Variants in RARB observed in about 807,000 individuals in gnomAD.
RARB encodes the protein HBV-activated protein.
RARB carries 17 observed loss-of-function variants against 51.9 expected under a neutral mutation model. The ratio of observed to expected loss-of-function variants is 0.33; its 90% confidence interval spans 0.22 to 0.49. RARB has a LOEUF of 0.49. RARB is among the 20% of genes least tolerant of loss of function. The probability of loss-of-function intolerance (pLI) is 0.99; values close to 1 mark genes in which losing one functional copy is unlikely to be tolerated. For missense variants in RARB, 369 were observed against 550.8 expected (o/e 0.67, Z 3.30); for synonymous variants, 215 against 195.4 (o/e 1.10, Z -0.84).
chr3:25,345,069 A>G (rs1575328437), intron 5 of RARB, among the ~76,000 whole-genome samples: 2 of 152,154 alleles, frequency 1.3e-5, no homozygotes, highest in East Asian at 3.9e-4. Flanking sequence ...TGAAGTTTGG[A>G]TTGTTTGACT....
chr3:25,282,171 G>C (rs7632587), intron 5 of RARB, among the ~76,000 whole-genome samples: 29,845 of 152,180 alleles, frequency 0.2, 3,715 homozygotes, highest in Non-Finnish European at 0.27. Context: ...ATATGGCCCT[G>C]TATTACCCTA....
chr3:25,117,124 G>A (rs1699701395), intron 3 of RARB, among the ~76,000 whole-genome samples: 1 of 152,110 alleles, frequency 6.6e-6, no homozygotes, highest in African/African-American at 2.4e-5. Context: ...TAGGCACTGT[G>A]CTTAGCACAG....
At chr3:25,118,874 T>G (rs1456014861) in intron 3 of RARB, among the ~76,000 whole-genome samples, 4 of 152,086 alleles carry the variant, frequency 2.6e-5, no homozygotes, top group African/African-American at 4.8e-5. Context: ...ATAACTTTAA[T>G]TTTTATCTCA....
At chr3:24,850,754 T>C (rs1309990824) in intron 1 of RARB, among the ~76,000 whole-genome samples, 2 of 152,202 alleles carry the variant, frequency 1.3e-5, no homozygotes, top group Non-Finnish European at 2.9e-5. Context: ...AGGAATCACC[T>C]GAGAGACTGT....
At chr3:24,950,616 C>A (rs891329623) in intron 2 of RARB, among the ~76,000 whole-genome samples, 2 of 151,772 alleles carry the variant, frequency 1.3e-5, no homozygotes, top group East Asian at 3.9e-4. Context: ...AGATGGGAAC[C>A]ATTGTTGTCA....
In RARB at chr3:24,900,479, G is replaced by A. The variant is rs115950532; in HGVS notation, c.-380+41727G>A. On this transcript the variant is annotated intron_variant, in intron 2 of 11. Transcript: ENST00000383772. ...TCTTCCTTGGAAGTATGCACATGAAGTATTGCTGGAGCAAAGAATAATTGT... is the reference window on the plus strand; with the variant it reads ...TCTTCCTTGGAAGTATGCACATGAAATATTGCTGGAGCAAAGAATAATTGT... 6.4e-3 allele frequency among the ~76,000 whole-genome samples: 979 copies of A among 152,294 alleles called. 11 individuals carry two copies. Among genetic ancestry groups the A allele is most frequent in the African/African-American group, 0.022 (912 of 41,560 alleles).
At chr3:25,240,856 T>A (rs1467148691) in intron 5 of RARB, among the ~76,000 whole-genome samples, 2 of 152,194 alleles carry the variant, frequency 1.3e-5, no homozygotes, top group Non-Finnish European at 2.9e-5. Flanking sequence ...GTAGAATGAA[T>A]TAGAGAAAAT....
chr3:25,481,144 C>T (rs1296020893), intron 2 of RARB, among the ~76,000 whole-genome samples: 2 of 152,106 alleles, frequency 1.3e-5, no homozygotes, highest in African/African-American at 4.8e-5. Flanking sequence ...CATTTCACTA[C>T]TAAAAACCAC....
chr3:24,838,930 T>TTG (rs1257437364), intron 1 of RARB, among the ~76,000 whole-genome samples: 7 of 151,240 alleles, frequency 4.6e-5, no homozygotes, highest in Non-Finnish European at 8.8e-5. Flanking sequence ...TCTCCAGGTT[T>TTG]TTTTTTTTTT....
intron 2 of RARB, among the ~76,000 whole-genome samples, chr3:24,937,288 A>G (rs1695565849): frequency 6.6e-6 from 1 of 152,068 alleles, no homozygotes; most frequent in Admixed American, 6.6e-5. Flanking sequence ...GGTTCAATGT[A>G]TGTTAGAGAA....
chr3:24,834,138 G>T (rs961194912), intron 1 of RARB, among the ~76,000 whole-genome samples: 1 of 152,224 alleles, frequency 6.6e-6, no homozygotes, highest in Non-Finnish European at 1.5e-5. Context: ...GGTTGGATAT[G>T]TTCCAAGGTA....
chr3:24,860,850 A>G (rs964980803), intron 2 of RARB, among the ~76,000 whole-genome samples: 1 of 152,186 alleles, frequency 6.6e-6, no homozygotes, highest in Non-Finnish European at 1.5e-5. Flanking sequence ...ATTGAACTAC[A>G]TGAACTCAAG....
In RARB at chr3:25,146,294, A is replaced by G. The variant is rs1321979062; in HGVS notation, c.-280+14086A>G. Among the ~76,000 whole-genome samples, 3 of 152,130 alleles carry G rather than the reference A, an allele frequency of 2.0e-5. No individual in the cohort carries two copies. In the East Asian group the frequency reaches 5.8e-4, roughly 29 times the overall value. ...CAGAAGTTGGTAAACTTTTCCTAGA[A>G]TGGGCCAGATAGTAAATATTTGGGG... On this transcript the variant is annotated intron_variant, in intron 4 of 11. Coordinates refer to the RARB transcript ENST00000383772.
intron 2 of RARB, among the ~76,000 whole-genome samples, chr3:24,923,100 G>T (rs990291191): frequency 6.6e-6 from 1 of 152,152 alleles, no homozygotes; most frequent in Non-Finnish European, 1.5e-5. Context: ...AGGGTAAAAG[G>T]TCAAGAGACC....
chr3:25,300,755 C>T (rs535216201), intron 5 of RARB, among the ~76,000 whole-genome samples: 13 of 152,094 alleles, frequency 8.5e-5, no homozygotes, highest in Non-Finnish European at 1.5e-4. Context: ...TTTGGGAGGC[C>T]GAGGCGGGCG....
chr3:24,886,930 C>G (rs1166595126), intron 2 of RARB, among the ~76,000 whole-genome samples: 1 of 152,188 alleles, frequency 6.6e-6, no homozygotes, highest in Non-Finnish European at 1.5e-5. Flanking sequence ...TTCTAAATAT[C>G]CTCTTTCCCG....
At chr3:25,319,183 G>T (rs1348964472) in intron 5 of RARB, among the ~76,000 whole-genome samples, 1 of 152,160 alleles carries the variant, frequency 6.6e-6, no homozygotes, top group African/African-American at 2.4e-5. Context: ...ATAGTTGGGG[G>T]ACATGAGGAA....
chr3:25,140,991 T>C (rs1700098939), intron 4 of RARB, among the ~76,000 whole-genome samples: 1 of 152,134 alleles, frequency 6.6e-6, no homozygotes, highest in Non-Finnish European at 1.5e-5. Flanking sequence ...TATACTCAAG[T>C]ATATTAACCT....
intron 2 of RARB, among the ~76,000 whole-genome samples, chr3:24,949,370 T>G (rs964125218): frequency 6.6e-6 from 1 of 152,262 alleles, no homozygotes; most frequent in African/African-American, 2.4e-5. Context: ...CTGAACATAT[T>G]GTACAAGTAG....
Sources: gnomAD v4.1 joint callset for allele counts (sites outside exome capture counted in the v4.1 genomes callset) on GRCh38, gnomAD v4.1.1 for gene constraint, MANE v1.5 for transcripts, NCBI Gene and HGNC (gene_info 2026-07-23, HGNC 2026-07-21) for gene names.